DLGAP1: variants seen among roughly 807,000 people sequenced by gnomAD.
The protein encoded by DLGAP1 is DLG associated protein 1, also known as disks large-associated protein 1.
In DLGAP1, 11 loss-of-function variants were observed where a neutral mutation model predicts 90.8. The ratio of observed to expected loss-of-function variants is 0.12; its 90% CI spans 0.08 to 0.20. The LOEUF (loss-of-function observed/expected upper bound fraction) is 0.20, where lower values mean the gene tolerates loss of function less well. Ranked by LOEUF, DLGAP1 falls within the 10% of genes least tolerant of loss-of-function variation. DLGAP1 has a pLI of 1.00. For missense variants in DLGAP1, 1,050 were observed against 1,333.8 expected (o/e 0.79, Z 3.31); for synonymous variants, 558 against 540.7 (o/e 1.03, Z -0.44).
At chr18:3,756,912 C>T (rs2063739976) in intron 5 of DLGAP1, among the ~76,000 whole-genome samples, 1 of 152,120 alleles carries the variant, frequency 6.6e-6, no homozygotes, top group Non-Finnish European at 1.5e-5. Flanking sequence ...GAATAGATCT[C>T]CAACAGCTAA....
chr18:3,969,943 T>A (rs1195534356), intron 3 of DLGAP1, among the ~76,000 whole-genome samples: 2 of 152,238 alleles, frequency 1.3e-5, no homozygotes, highest in African/African-American at 4.8e-5. Context: ...CCTGTCTGTG[T>A]CTGTGTGTTA....
intron 1 of DLGAP1, among the ~76,000 whole-genome samples, chr18:4,354,563 C>T (rs945086311): frequency 6.6e-6 from 1 of 152,134 alleles, no homozygotes; most frequent in Non-Finnish European, 1.5e-5. Flanking sequence ...GCTCCCATGT[C>T]ACGCAAACCT....
intron 7 of DLGAP1, among the ~76,000 whole-genome samples, chr18:3,601,846 G>GAAGAAAGAAAAAAAA (rs2057045095): frequency 1.0e-5 from 1 of 96,988 alleles, no homozygotes; most frequent in Non-Finnish European, 1.9e-5. Context: ...CTCCATCTCG[G>GAAGAAAGAAAAAAAA]AAAAAAAAAA....
At chr18:3,886,407 C>G (rs1043106887) in intron 3 of DLGAP1, among the ~76,000 whole-genome samples, 1 of 152,070 alleles carries the variant, frequency 6.6e-6, no homozygotes, top group Non-Finnish European at 1.5e-5. Flanking sequence ...AATATTTATC[C>G]TTTTTGTTAC....
At chr18:3,757,229 G>A (rs1332983730) in intron 5 of DLGAP1, among the ~76,000 whole-genome samples, 7 of 152,096 alleles carry the variant, frequency 4.6e-5, no homozygotes, top group Admixed American at 1.3e-4. Context: ...CCAAAATGGC[G>A]AAACCCCATC....
At chr18:4,451,732 G>A (rs2083837582) in intron 1 of DLGAP1, among the ~76,000 whole-genome samples, 1 of 152,128 alleles carries the variant, frequency 6.6e-6, no homozygotes, top group African/African-American at 2.4e-5. Context: ...TAGGATCTTA[G>A]GAAATAAAAC....
chr18:3,988,781 G>A (rs1337192061), intron 3 of DLGAP1, among the ~76,000 whole-genome samples: 1 of 152,142 alleles, frequency 6.6e-6, no homozygotes, highest in Non-Finnish European at 1.5e-5. Flanking sequence ...CCTGGGGGCT[G>A]GGGACCCCTA....
At position 4,013,856 on chromosome 18, in the gene DLGAP1, AT is replaced by A. The variant is rs2074473301; in HGVS notation, c.-158-8656del. On this transcript the variant is annotated intron_variant, in intron 2 of 12. Transcript: ENST00000315677. Reference sequence around the variant, plus strand: ...ATTCTCTGAATTCCACCAAAAAACCATTTTATGACCACAGTCATAACGAACA... The same window carrying A: ...ATTCTCTGAATTCCACCAAAAAACCATTTATGACCACAGTCATAACGAACA... The A allele has an allele frequency of 2.0e-5, 3 of 152,320 alleles. No homozygotes were observed. The South Asian group carries it at 6.2e-4, about 32-fold the overall frequency. 9.4% of individuals were successfully genotyped at this position (152,320 alleles called of 1,614,324 possible). A position where few individuals can be genotyped will look rare whatever the true frequency, so the allele number is the denominator to read the frequency against.
chr18:3,977,943 T>TG (rs2073632897), intron 3 of DLGAP1: 8 of 354,798 alleles, frequency 2.3e-5, no homozygotes, highest in Non-Finnish European at 3.8e-5. Context: ...AGGAAGGCCA[T>TG]GCCAGTAAGC....
intron 1 of DLGAP1, among the ~76,000 whole-genome samples, chr18:4,194,364 T>C (rs934221334): frequency 2.0e-5 from 3 of 152,228 alleles, no homozygotes; most frequent in East Asian, 3.8e-4. Flanking sequence ...TGAAAAATAC[T>C]GAGATAAAAA....
chr18:4,180,610 C>A (rs2077190992), intron 1 of DLGAP1, among the ~76,000 whole-genome samples: 1 of 152,102 alleles, frequency 6.6e-6, no homozygotes, highest in Non-Finnish European at 1.5e-5. Flanking sequence ...ATATTAAATA[C>A]AAAAAGTTTC....
chr18:4,430,636 G>C (rs973860026), intron 1 of DLGAP1: 1 of 152,148 alleles, frequency 6.6e-6, no homozygotes, highest in African/African-American at 2.4e-5. Context: ...ATTTATGTGA[G>C]AGTGAGGGTC....
At chr18:4,304,800 G>A (rs555271714) in intron 1 of DLGAP1, among the ~76,000 whole-genome samples, 6 of 151,956 alleles carry the variant, frequency 3.9e-5, no homozygotes, top group East Asian at 3.9e-4. Flanking sequence ...GCGCGGTGGC[G>A]GGCACCTATA....
intron 2 of DLGAP1, among the ~76,000 whole-genome samples, chr18:4,061,578 AT>A (rs2075299474): frequency 6.6e-6 from 1 of 152,170 alleles, no homozygotes; most frequent in Non-Finnish European, 1.5e-5. Context: ...GATTAGATAC[AT>A]TTGTCTATAA....
At chr18:3,949,708 T>C (rs1476566116) in intron 3 of DLGAP1, among the ~76,000 whole-genome samples, 1 of 152,218 alleles carries the variant, frequency 6.6e-6, no homozygotes, top group East Asian at 1.9e-4. Flanking sequence ...CAATTGTATT[T>C]AACATCACAT....
chr18:4,321,968 G>C (rs35262908), intron 1 of DLGAP1, among the ~76,000 whole-genome samples: 73,822 of 151,354 alleles, frequency 0.49, 18,587 homozygotes, highest in African/African-American at 0.63. Context: ...GAGGCCTAGG[G>C]GGGTGGATCA....
chr18:4,193,996 A>AT (rs889476308), intron 1 of DLGAP1, among the ~76,000 whole-genome samples: 8 of 152,022 alleles, frequency 5.3e-5, no homozygotes, highest in Admixed American at 4.6e-4. Flanking sequence ...TAATTTCAAA[A>AT]TTTTTTTTCA....
At chr18:4,179,355 T>C (rs2077169265) in intron 1 of DLGAP1, among the ~76,000 whole-genome samples, 2 of 151,874 alleles carry the variant, frequency 1.3e-5, no homozygotes, top group African/African-American at 4.8e-5. Context: ...ATGATGCTCA[T>C]AGGCAGAAAT....
intron 4 of DLGAP1, among the ~76,000 whole-genome samples, chr18:3,832,170 A>G (rs1198816216): frequency 6.6e-6 from 1 of 152,236 alleles, no homozygotes; most frequent in Non-Finnish European, 1.5e-5. Flanking sequence ...CTGTCTCCCG[A>G]CATTGACTGG....
Sources: gnomAD v4.1 joint callset for allele counts (sites outside exome capture counted in the v4.1 genomes callset) on GRCh38, gnomAD v4.1.1 for gene constraint, MANE v1.5 for transcripts, NCBI Gene and HGNC (gene_info 2026-07-23, HGNC 2026-07-21) for gene names.